Variants in SERINC5 observed in about 807,000 individuals in gnomAD.
SERINC5 encodes serine incorporator 5, also known as chromosome 5 open reading frame 12.
In SERINC5, 41 loss-of-function variants were observed where a neutral mutation model predicts 63.1. The ratio of observed to expected loss-of-function variants is 0.65; its 90% CI spans 0.51 to 0.84. The LOEUF (loss-of-function observed/expected upper bound fraction) is 0.84, where lower values mean the gene tolerates loss of function less well. Among genes scored for constraint, SERINC5 ranks in the 40% least tolerant of loss-of-function variants. The pLI, the probability that SERINC5 is intolerant of heterozygous loss-of-function variation, is 0.00. For synonymous variants in SERINC5, 222 were observed against 215.2 expected (o/e 1.03, Z -0.28); for missense variants, 523 against 573.0 (o/e 0.91, Z 0.89).
chr5:80,153,549 T>G (rs550366552), intron 8 of SERINC5, among the ~76,000 whole-genome samples: 52 of 152,296 alleles, frequency 3.4e-4, no homozygotes, highest in Admixed American at 3.0e-3. Context: ...GACCACTGTT[T>G]GGTGAGCACA....
intron 4 of SERINC5, among the ~76,000 whole-genome samples, chr5:80,175,604 C>T (rs1747974732): frequency 6.6e-6 from 1 of 152,090 alleles, no homozygotes; most frequent in Non-Finnish European, 1.5e-5. Context: ...CACAGTGGCT[C>T]ATGCCTGCAA....
chr5:80,245,254 T>C (rs1029819077), intron 1 of SERINC5, among the ~76,000 whole-genome samples: 1 of 152,178 alleles, frequency 6.6e-6, no homozygotes, highest in African/African-American at 2.4e-5. Flanking sequence ...CTTGGAAAAG[T>C]GTTCAGGACA....
At chr5:80,129,670 C>T (rs1744867445) in intron 11 of SERINC5, among the ~76,000 whole-genome samples, 1 of 152,160 alleles carries the variant, frequency 6.6e-6, no homozygotes, top group Non-Finnish European at 1.5e-5. Context: ...TATTTTTCTA[C>T]AGCACTGTAT....
At chr5:80,237,036 G>A (rs189384878) in intron 1 of SERINC5, among the ~76,000 whole-genome samples, 9 of 149,510 alleles carry the variant, frequency 6.0e-5, no homozygotes, top group African/African-American at 2.0e-4. Flanking sequence ...ACGTTGGCCA[G>A]GCCGGTCTTT....
At chr5:80,151,034 C>T (rs112539861) in intron 8 of SERINC5, 86 bp from the exon 9 acceptor site, 9 of 918,128 alleles carry the variant, frequency 9.8e-6, no homozygotes, top group African/African-American at 6.5e-5. Context: ...GCCAGTGCTC[C>T]GACGAGAGCC....
chr5:80,124,843 C>T (rs1269372339), intron 11 of SERINC5, among the ~76,000 whole-genome samples: 1 of 152,110 alleles, frequency 6.6e-6, no homozygotes, highest in Non-Finnish European at 1.5e-5. Flanking sequence ...ACTAACAGTG[C>T]CCAACTCCCA....
Position 80,140,210 on chromosome 5 carries a change from T to C in SERINC5, c.*3453A>G, listed in dbSNP as rs1745418980. ...GGGGCAAACCTGTGGTCTCAGCTACTTGGGAGGTGGTCCTTGAGCCCAGGA... is the reference window on the plus strand; with the variant it reads ...GGGGCAAACCTGTGGTCTCAGCTACCTGGGAGGTGGTCCTTGAGCCCAGGA... On this transcript the variant is annotated 3_prime_UTR_variant, in exon 12 of 12. Transcript: ENST00000507668. The C allele has an allele frequency of 1.3e-6, 1 of 764,164 alleles. No individual in the cohort carries two copies. Among genetic ancestry groups the C allele is most frequent in the Non-Finnish European group, 1.6e-6 (1 of 631,158 alleles). The allele number at this position is 764,164 out of a possible 1,614,324, so 47.3% of individuals were successfully genotyped here.
rs199907400 is a variant in SERINC5, at chr5:80,177,351, C to T, written c.421G>A (p.Ala141Thr). ...LLLLGAMCSG[A>T]FFIPDQDTFL... is the part of the protein sequence containing the mutation. ...GTGTCCTGATCTGGAATGAAGAAAG[C>T]TCCTGAGCACATGGCCCCCAACAGC... The change falls in exon 4 of 12, where the codon GCT (alanine) becomes ACT (threonine). Residue 141 changes from alanine to threonine, a missense_variant. Coordinates refer to ENST00000507668, the MANE Select transcript of SERINC5 (RefSeq NM_001174072.3). 2,095 of 1,613,726 alleles carry T rather than the reference C, an allele frequency of 1.3e-3. No homozygotes were observed. Among genetic ancestry groups the T allele is most frequent in the Non-Finnish European group, 1.6e-3 (1,888 of 1,179,712 alleles).
chr5:80,150,298 G>A (rs1746090037), intron 9 of SERINC5, among the ~76,000 whole-genome samples: 1 of 152,134 alleles, frequency 6.6e-6, no homozygotes, highest in South Asian at 2.1e-4. Context: ...AGCCTGACAA[G>A]GTTACCTGAG....
At chr5:80,160,504 C>G (rs1746811648) in intron 7 of SERINC5, among the ~76,000 whole-genome samples, 1 of 152,122 alleles carries the variant, frequency 6.6e-6, no homozygotes, top group East Asian at 1.9e-4. Context: ...AAAATTATGA[C>G]TAGTATTTGC....
rs1745394927 is a variant in SERINC5 at position 80,139,851 on chromosome 5, G to A, written c.*3812C>T. 7.1e-6 allele frequency: 7 copies of A among 985,332 alleles called. No homozygotes were observed. The highest frequency in any genetic ancestry group is 8.4e-6 in the Non-Finnish European group (7 of 829,920). The allele number at this position is 985,332 out of a possible 1,614,324, so 61.0% of individuals were successfully genotyped here. On this transcript the variant is annotated 3_prime_UTR_variant, in exon 12 of 12. Coordinates refer to ENST00000507668, the MANE Select transcript of SERINC5 (RefSeq NM_001174072.3). ...CAAGGTTTGTCCCTTCTTAGTTGTA[G>A]GTTGGGCCCTCTTTCGTTTCCAAGA...
At chr5:80,189,667 C>A (rs1158097151) in intron 2 of SERINC5, among the ~76,000 whole-genome samples, 1 of 152,170 alleles carries the variant, frequency 6.6e-6, no homozygotes, top group African/African-American at 2.4e-5. Flanking sequence ...AGAGAAAACA[C>A]ATGCTTATAG....
intron 11 of SERINC5, among the ~76,000 whole-genome samples, chr5:80,127,943 C>G (rs1744806399): frequency 6.6e-6 from 1 of 151,426 alleles, no homozygotes; most frequent in South Asian, 2.1e-4. Flanking sequence ...AAAGTTTAAC[C>G]TTACAAATTT....
intron 1 of SERINC5, among the ~76,000 whole-genome samples, chr5:80,232,101 TAAA>T (rs34890012): frequency 0.075 from 9,005 of 119,380 alleles, 977 homozygotes; most frequent in African/African-American, 0.26. Flanking sequence ...GATTCTGTCT[TAAA>T]AAAAAAAAAA....
intron 1 of SERINC5, among the ~76,000 whole-genome samples, chr5:80,208,354 T>C (rs1007027539): frequency 1.4e-5 from 2 of 142,468 alleles, no homozygotes; most frequent in Admixed American, 7.4e-5. Flanking sequence ...AATTGTGCTG[T>C]GAACCTAAAA....
At chr5:80,115,802 T>C (rs138264222) in intron 11 of SERINC5, among the ~76,000 whole-genome samples, 1 of 152,188 alleles carries the variant, frequency 6.6e-6, no homozygotes, top group East Asian at 1.9e-4. Flanking sequence ...AAAGTATAAA[T>C]AGAGGTCAAG....
chr5:80,169,241 C>CAAACAAACA, intron 6 of SERINC5, 94 bp downstream of exon 6: 1 of 1,085,486 alleles, frequency 9.2e-7, no homozygotes, highest in Non-Finnish European at 1.4e-6. Context: ...ACACTAGTTC[C>CAAACAAACA]AAACAAACAA....
intron 1 of SERINC5, among the ~76,000 whole-genome samples, chr5:80,230,763 C>G (rs1751403316): frequency 6.6e-6 from 1 of 151,588 alleles, no homozygotes. Context: ...AGGGTCCAAA[C>G]CCAGGTATAA....
At chr5:80,129,143 C>T (rs900695636) in intron 11 of SERINC5, 2 of 152,130 alleles carry the variant, frequency 1.3e-5, no homozygotes, top group Admixed American at 6.6e-5. Context: ...AGAAAACTTC[C>T]CAAAATATGA....
Sources: allele counts gnomAD v4.1 joint callset (sites outside exome capture counted in the v4.1 genomes callset), GRCh38; gene constraint gnomAD v4.1.1; transcripts MANE v1.5; gene names NCBI Gene and HGNC (gene_info 2026-07-23, HGNC 2026-07-21).